Variants in KCNQ1 observed in about 807,000 individuals in gnomAD.
KCNQ1 encodes the protein potassium voltage-gated channel subfamily KQT member 1.
In KCNQ1, 49 loss-of-function variants were observed where a neutral mutation model predicts 72.4. The observed-to-expected ratio is 0.68, with a 90% CI of 0.54 to 0.86. KCNQ1 has a LOEUF of 0.86. KCNQ1 is among the 40% of genes least tolerant of loss of function. The pLI, the probability that KCNQ1 is intolerant of heterozygous loss-of-function variation, is 0.00. For missense variants in KCNQ1, 790 were observed against 945.1 expected (o/e 0.84, Z 2.15); for synonymous variants, 450 against 412.6 (o/e 1.09, Z -1.10).
At position 2,602,182 on chromosome 11, in the gene KCNQ1, G is replaced by T. The variant is rs1266183839; in HGVS notation, c.1393+13328G>T. Among the ~76,000 whole-genome samples the T allele has an allele frequency of 6.6e-6, 1 of 152,036 alleles. No individual in the cohort carries two copies. Among genetic ancestry groups the T allele is most frequent in the Non-Finnish European group, 1.5e-5 (1 of 68,016 alleles). ...GAAAAGGCAAGGAAAGGGAAGGGATGCTCCCCTGAAGCCTCCAGAAGGAAC... is the reference window on the plus strand; with the variant it reads ...GAAAAGGCAAGGAAAGGGAAGGGATTCTCCCCTGAAGCCTCCAGAAGGAAC... On this transcript the variant is annotated intron_variant, in intron 10 of 15. Coordinates refer to ENST00000155840, the MANE Select transcript of KCNQ1 (RefSeq NM_000218.3). The surrounding 1 kb of genome is among the most constrained non-coding windows in gnomAD (Gnocchi z 4.8).
chr11:2,755,062 A>G (rs2133967094), intron 11 of KCNQ1, among the ~76,000 whole-genome samples: 1 of 152,300 alleles, frequency 6.6e-6, no homozygotes, highest in East Asian at 1.9e-4. Flanking sequence ...CATTAGGGCT[A>G]GAGGTCCTAG....
At position 2,753,098 on chromosome 11, in the gene KCNQ1, C is replaced by G. The variant is rs78780369; in HGVS notation, c.1515-15746C>G. On this transcript the variant is annotated intron_variant, in intron 11 of 15. Coordinates refer to ENST00000155840, the MANE Select transcript of KCNQ1 (RefSeq NM_000218.3). Reference sequence around the variant, plus strand: ...AGAGAACGTGCATTCACGCAGAACTCTCTCAGCCACAAGCTCTGTTTCTGT... The same window carrying G: ...AGAGAACGTGCATTCACGCAGAACTGTCTCAGCCACAAGCTCTGTTTCTGT... Among the ~76,000 whole-genome samples the G allele has an allele frequency of 2.6e-5, 4 of 152,224 alleles. No homozygotes were observed. In the East Asian group the frequency reaches 5.8e-4, roughly 22 times the overall value.
intron 13 of KCNQ1, among the ~76,000 whole-genome samples, chr11:2,776,501 C>A (rs983659254): frequency 4.6e-5 from 7 of 152,208 alleles, no homozygotes; most frequent in East Asian, 3.9e-4. Flanking sequence ...GGGTCTCCCC[C>A]AGACTGGCCT....
Position 2,668,067 on chromosome 11 carries a change from A to G in KCNQ1, c.1514+5986A>G. 2.5e-6 allele frequency: 1 copy of G among 398,574 alleles called. No individual in the cohort carries two copies. The highest frequency in any genetic ancestry group is 4.4e-6 in the Non-Finnish European group (1 of 226,064). 24.7% of individuals were successfully genotyped at this position (398,574 alleles called of 1,614,324 possible). A position where few individuals can be genotyped will look rare whatever the true frequency, so the allele number is the denominator to read the frequency against. ...CACATTTGAACTTTATGCGGTGGGA[A>G]TGATGCAACTCATACACCTTTGTGT... On this transcript the variant is annotated intron_variant, in intron 11 of 15. Transcript: ENST00000155840. The surrounding 1 kb of genome is among the most constrained non-coding windows in gnomAD (Gnocchi z 4.3).
At chr11:2,504,734 G>T (rs1449306125) in intron 1 of KCNQ1, among the ~76,000 whole-genome samples, 4 of 152,190 alleles carry the variant, frequency 2.6e-5, no homozygotes. Context: ...TCCAGCCTGG[G>T]TAACAGAGTG....
intron 15 of KCNQ1, among the ~76,000 whole-genome samples, chr11:2,812,268 C>T (rs1371675554): frequency 6.6e-6 from 1 of 152,110 alleles, no homozygotes; most frequent in Non-Finnish European, 1.5e-5. Flanking sequence ...TCCTCAAAGT[C>T]CTCCCCTCCC....
At chr11:2,738,486 T>C (rs1192062670) in intron 11 of KCNQ1, among the ~76,000 whole-genome samples, 9 of 152,170 alleles carry the variant, frequency 5.9e-5, no homozygotes, top group African/African-American at 1.9e-4. Flanking sequence ...TCTGCTCACC[T>C]CTGCTGGGGG....
At chr11:2,675,693 C>T (rs898843747) in intron 11 of KCNQ1, 35 of 398,558 alleles carry the variant, frequency 8.8e-5, no homozygotes, top group South Asian at 2.5e-4. Flanking sequence ...CTCTGCCTTT[C>T]CCTGTCAAAA....
rs58902386 is a variant in KCNQ1 at position 2,756,981 on chromosome 11, A to AAAAAAAAAAC, written c.1515-11863_1515-11862insAAAAAAAAAC. On this transcript the variant is annotated intron_variant, in intron 11 of 15. Coordinates refer to ENST00000155840, the MANE Select transcript of KCNQ1 (RefSeq NM_000218.3). ...AAAAAAAAAAAAAAAAAAAAAAAAA[A>AAAAAAAAAAC]CCCACAGCTAACATCACATCACACT... 4.9e-4 allele frequency among the ~76,000 whole-genome samples: 56 copies of AAAAAAAAAAC among 115,218 alleles called. 7 individuals carry two copies. The highest frequency in any genetic ancestry group is 1.5e-3 in the East Asian group (5 of 3,262). 75.6% of individuals were successfully genotyped at this position (115,218 alleles called of 152,430 possible). A position where few individuals can be genotyped will look rare whatever the true frequency, so the allele number is the denominator to read the frequency against.
intron 2 of KCNQ1, among the ~76,000 whole-genome samples, chr11:2,545,475 T>A (rs1847890854): frequency 6.6e-6 from 1 of 152,228 alleles, no homozygotes; most frequent in South Asian, 2.1e-4. Flanking sequence ...AGGTGATTGA[T>A]AATAGTTATA....
chr11:2,607,674 G>A (rs915242256), intron 10 of KCNQ1, among the ~76,000 whole-genome samples: 19 of 152,182 alleles, frequency 1.2e-4, no homozygotes, highest in Admixed American at 2.6e-4. Flanking sequence ...CCACCAGTTC[G>A]TGATACTTTG....
rs1024731661 is a variant in KCNQ1, at chr11:2,670,531, C to G, written c.1514+8450C>G. Reference sequence around the variant, plus strand: ...CAGCTCACAGAAGGGGAAATTGAAGCCTCAAGAAGGATAGGGACTTGCCAG... The same window carrying G: ...CAGCTCACAGAAGGGGAAATTGAAGGCTCAAGAAGGATAGGGACTTGCCAG... On this transcript the variant is annotated intron_variant, in intron 11 of 15. Transcript: ENST00000155840. The surrounding 1 kb of genome is among the most constrained non-coding windows in gnomAD (Gnocchi z 4.9). 7.5e-6 allele frequency: 3 copies of G among 397,564 alleles called. No individual in the cohort carries two copies. In the Admixed American group the frequency reaches 1.3e-4, roughly 18 times the overall value. 24.6% of individuals were successfully genotyped at this position (397,564 alleles called of 1,614,324 possible).
chr11:2,722,635 G>A lies in KCNQ1; in HGVS notation c.1515-46209G>A, dbSNP rs545650355. ...TAGGGGAGCTGATGAGAGCGATGCC[G>A]TAGCCAGGGTCGGCAGTGGCGGACC... On this transcript the variant is annotated intron_variant, in intron 11 of 15. Coordinates refer to ENST00000155840, the MANE Select transcript of KCNQ1 (RefSeq NM_000218.3). 7.2e-5 allele frequency among the ~76,000 whole-genome samples: 11 copies of A among 152,286 alleles called. 1 individual carries two copies. In the South Asian group the frequency reaches 1.5e-3, roughly 20 times the overall value.
chr11:2,831,465 C>T (rs560359260), intron 15 of KCNQ1, among the ~76,000 whole-genome samples: 3 of 152,218 alleles, frequency 2.0e-5, no homozygotes, highest in African/African-American at 7.2e-5. Flanking sequence ...TGTGGAGACA[C>T]AAGAAGCTCT....
intron 11 of KCNQ1, among the ~76,000 whole-genome samples, chr11:2,722,018 A>T (rs1851211500): frequency 6.6e-6 from 1 of 152,178 alleles, no homozygotes; most frequent in Non-Finnish European, 1.5e-5. Flanking sequence ...GCACATGCCG[A>T]GCTTTCCTGT....
At chr11:2,644,030 C>T in intron 10 of KCNQ1, 1 of 398,438 alleles carries the variant, frequency 2.5e-6, no homozygotes, top group Non-Finnish European at 4.4e-6. Flanking sequence ...TTTTATGATT[C>T]TCTCTTTGTC....
rs1056568801 is a variant in KCNQ1, at chr11:2,649,090, T to C, written c.1394-12871T>C. ...TCTTTTTCTATCCATTCCCTTACAG[T>C]CTATGGGTGTCTTTACAGGTGAAGT... is the stretch of plus-strand genomic sequence containing the variant. On this transcript the variant is annotated intron_variant, in intron 10 of 15. Coordinates refer to ENST00000155840, the MANE Select transcript of KCNQ1 (RefSeq NM_000218.3). 1.8e-5 allele frequency: 7 copies of C among 397,328 alleles called. No homozygotes were observed. In the Admixed American group the frequency reaches 3.1e-4, roughly 18 times the overall value. 24.6% of individuals were successfully genotyped at this position (397,328 alleles called of 1,614,324 possible).
chr11:2,471,390 G>A lies in KCNQ1; in HGVS notation c.386+25906G>A, dbSNP rs1589898345. Among the ~76,000 whole-genome samples the A allele has an allele frequency of 1.3e-5, 2 of 152,024 alleles. No individual in the cohort carries two copies. Among genetic ancestry groups the A allele is most frequent in the African/African-American group, 2.4e-5 (1 of 41,376 alleles). ...CAACCCTGACCCAAGTGTCCTTCACGCTCAGCAACGCCACAGCCTCTGACA... is the reference window on the plus strand; with the variant it reads ...CAACCCTGACCCAAGTGTCCTTCACACTCAGCAACGCCACAGCCTCTGACA... On this transcript the variant is annotated intron_variant, in intron 1 of 15. Transcript: ENST00000155840. This position sits in a 1 kb window ranked among gnomAD's most constrained non-coding sequence, Gnocchi z 4.8.
At chr11:2,798,917 C>T (rs1431903092) in intron 15 of KCNQ1, among the ~76,000 whole-genome samples, 3 of 151,836 alleles carry the variant, frequency 2.0e-5, no homozygotes, top group South Asian at 4.2e-4. Context: ...AGGAACAGGA[C>T]GGGGGAAGGA....
Sources: gnomAD v4.1 joint callset for allele counts (sites outside exome capture counted in the v4.1 genomes callset) on GRCh38, gnomAD v4.1.1 for gene constraint, Gnocchi (gnomAD v3.1) non-coding constraint, MANE v1.5 for transcripts, NCBI Gene and HGNC (gene_info 2026-07-23, HGNC 2026-07-21) for gene names.